Variants in GPC5 observed in about 807,000 individuals in gnomAD.
GPC5 encodes the protein glypican-5.
In GPC5, 47 loss-of-function variants were observed where a neutral mutation model predicts 53.9. The ratio of observed to expected loss-of-function variants is 0.87; its 90% CI spans 0.69 to 1.11. The LOEUF is 1.11. Ranked by LOEUF, GPC5 falls within the 50% of genes most tolerant of loss-of-function variation. The probability of loss-of-function intolerance (pLI) is 0.00; values close to 1 mark genes in which losing one functional copy is unlikely to be tolerated. For missense variants in GPC5, 748 were observed against 713.1 expected (o/e 1.05, Z -0.56); for synonymous variants, 286 against 263.3 (o/e 1.09, Z -0.84).
At chr13:92,467,856 G>C (rs988781430) in intron 7 of GPC5, among the ~76,000 whole-genome samples, 2 of 152,066 alleles carry the variant, frequency 1.3e-5, no homozygotes, top group African/African-American at 4.8e-5. Flanking sequence ...CTCTCTAATG[G>C]ATGCAGGAGC....
chr13:91,478,262 G>A (rs1594139979), intron 2 of GPC5, among the ~76,000 whole-genome samples: 1 of 152,164 alleles, frequency 6.6e-6, no homozygotes, highest in East Asian at 1.9e-4. Context: ...GTACACTTTT[G>A]AAGAGTTTGC....
intron 7 of GPC5, among the ~76,000 whole-genome samples, chr13:92,243,550 T>C (rs974753162): frequency 1.3e-5 from 2 of 152,132 alleles, no homozygotes; most frequent in Non-Finnish European, 2.9e-5. Context: ...ATAGGATTGA[T>C]GGAATGGTGA....
At chr13:91,417,855 C>T (rs3848049) in intron 1 of GPC5, among the ~76,000 whole-genome samples, 106,623 of 152,038 alleles carry the variant, frequency 0.7, 38,972 homozygotes, top group African/African-American at 0.92. Flanking sequence ...TAGGGTGTGA[C>T]GCAACTGACT....
At chr13:91,603,358 C>A (rs547827015) in intron 2 of GPC5, among the ~76,000 whole-genome samples, 1 of 152,364 alleles carries the variant, frequency 6.6e-6, no homozygotes, top group Admixed American at 6.5e-5. Flanking sequence ...ACAATGCTGA[C>A]CAGCTCACTG....
intron 5 of GPC5, among the ~76,000 whole-genome samples, chr13:91,764,635 G>A (rs1011728159): frequency 2.6e-5 from 4 of 152,082 alleles, no homozygotes; most frequent in Admixed American, 6.6e-5. Context: ...CTTACTCTTC[G>A]TTTTTCCCCT....
chr13:91,710,403 A>T (rs1950442860), intron 3 of GPC5, among the ~76,000 whole-genome samples: 1 of 152,240 alleles, frequency 6.6e-6, no homozygotes, highest in African/African-American at 2.4e-5. Context: ...TTTTATGCAG[A>T]TAAATACTCT....
chr13:91,405,161 C>A lies in GPC5; in HGVS notation c.163+5952C>A, dbSNP rs760840277. On this transcript the variant is annotated intron_variant, in intron 1 of 7. Coordinates refer to ENST00000377067, the MANE Select transcript of GPC5 (RefSeq NM_004466.6). ...ACATGTGCCAAACTCCTACACAACT[C>A]ATGGCTTTGTACATGATTTACATTA... Among the ~76,000 whole-genome samples, 17 of 152,228 alleles carry A rather than the reference C, an allele frequency of 1.1e-4. No individual in the cohort carries two copies. In the South Asian group the frequency reaches 2.7e-3, roughly 24 times the overall value.
chr13:92,832,280 T>C (rs1878072499), intron 7 of GPC5, among the ~76,000 whole-genome samples: 1 of 152,158 alleles, frequency 6.6e-6, no homozygotes. Flanking sequence ...AACATGGCAT[T>C]TGTCTGCCTG....
intron 5 of GPC5, among the ~76,000 whole-genome samples, chr13:91,793,183 G>A (rs1004210990): frequency 3.3e-5 from 5 of 152,060 alleles, no homozygotes; most frequent in Non-Finnish European, 5.9e-5. Flanking sequence ...TGGAAGGGGA[G>A]GCAAACACAT....
Position 91,642,713 on chromosome 13 carries a change from C to CTTT in GPC5, c.326-50461_326-50459dup, listed in dbSNP as rs71113755. Among the ~76,000 whole-genome samples the CTTT allele has an allele frequency of 9.0e-4, 129 of 143,300 alleles. 2 individuals carry two copies. The highest frequency in any genetic ancestry group is 2.1e-3 in the South Asian group (9 of 4,382). The allele number at this position is 143,300 out of a possible 152,430, so 94.0% of individuals were successfully genotyped here. A position where few individuals can be genotyped will look rare whatever the true frequency, so the allele number is the denominator to read the frequency against. On this transcript the variant is annotated intron_variant, in intron 2 of 7. Coordinates refer to ENST00000377067, the MANE Select transcript of GPC5 (RefSeq NM_004466.6). ...AAAGGATGTCAAGTTTAAGGAAGAG[C>CTTT]TTTTTTTTTTTTTTTAAGTAAATGA...
rs1294745557 is a variant in GPC5, at chr13:91,784,097, C to T, written c.1280+27677C>T. On this transcript the variant is annotated intron_variant, in intron 5 of 7. Coordinates refer to ENST00000377067, the MANE Select transcript of GPC5 (RefSeq NM_004466.6). Reference sequence around the variant, plus strand: ...TATTAAATCAGAGACAGATTAGACACTCTGTGAACAGAGGTGAGGAACATG... The same window carrying T: ...TATTAAATCAGAGACAGATTAGACATTCTGTGAACAGAGGTGAGGAACATG... Among the ~76,000 whole-genome samples the T allele has an allele frequency of 4.6e-5, 7 of 152,208 alleles. No homozygotes were observed. In the South Asian group the frequency reaches 1.2e-3, roughly 27 times the overall value.
At chr13:92,407,930 T>C (rs947942933) in intron 7 of GPC5, among the ~76,000 whole-genome samples, 8 of 152,188 alleles carry the variant, frequency 5.3e-5, no homozygotes, top group Admixed American at 3.3e-4. Flanking sequence ...GATTGGTCTA[T>C]AAAGAGAAAG....
chr13:91,471,088 G>T (rs564670479), intron 2 of GPC5, among the ~76,000 whole-genome samples: 1 of 152,200 alleles, frequency 6.6e-6, no homozygotes, highest in Non-Finnish European at 1.5e-5. Flanking sequence ...ACTATCTTTT[G>T]GTTAAAGGTG....
chr13:91,744,508 C>T (rs1301469371), intron 4 of GPC5, among the ~76,000 whole-genome samples: 1 of 152,066 alleles, frequency 6.6e-6, no homozygotes, highest in Non-Finnish European at 1.5e-5. Context: ...TCTGAAAATG[C>T]AAGCATGAAC....
intron 7 of GPC5, among the ~76,000 whole-genome samples, chr13:92,771,344 T>C (rs898007585): frequency 2.6e-5 from 4 of 152,110 alleles, no homozygotes; most frequent in Non-Finnish European, 5.9e-5. Context: ...CTTCCTTTAT[T>C]ATCCAGTTTT....
At chr13:91,430,181 A>G (rs1322786353) in intron 1 of GPC5, among the ~76,000 whole-genome samples, 1 of 152,216 alleles carries the variant, frequency 6.6e-6, no homozygotes, top group Non-Finnish European at 1.5e-5. Flanking sequence ...CTAGAAACCC[A>G]TAAGGAAAAA....
At chr13:92,647,565 G>A (rs1885814667) in intron 7 of GPC5, among the ~76,000 whole-genome samples, 1 of 152,010 alleles carries the variant, frequency 6.6e-6, no homozygotes, top group Admixed American at 6.6e-5. Flanking sequence ...TGGACACCAA[G>A]AAAATCTCAT....
chr13:91,685,197 T>C (rs1002637904), intron 2 of GPC5, among the ~76,000 whole-genome samples: 28 of 152,060 alleles, frequency 1.8e-4, no homozygotes, highest in Non-Finnish European at 3.4e-4. Flanking sequence ...CCCAGATACT[T>C]GGGAGGCTGA....
At chr13:92,601,703 T>C (rs1884066330) in intron 7 of GPC5, among the ~76,000 whole-genome samples, 1 of 152,194 alleles carries the variant, frequency 6.6e-6, no homozygotes, top group South Asian at 2.1e-4. Flanking sequence ...ATAAAATGCT[T>C]TATATGAATG....
Sources: gnomAD v4.1 joint callset for allele counts (sites outside exome capture counted in the v4.1 genomes callset) on GRCh38, gnomAD v4.1.1 for gene constraint, MANE v1.5 for transcripts, NCBI Gene and HGNC (gene_info 2026-07-23, HGNC 2026-07-21) for gene names.